ROBO2: variants seen among roughly 807,000 people sequenced by gnomAD.
ROBO2 encodes the protein roundabout homolog 2.
ROBO2 carries 53 observed loss-of-function variants against 160.8 expected under a neutral mutation model. The observed-to-expected ratio is 0.33, with a 90% CI of 0.26 to 0.41. ROBO2 has a LOEUF of 0.41. ROBO2 is among the 10% of genes least tolerant of loss of function. ROBO2 has a pLI of 1.00. For synonymous variants in ROBO2, 664 were observed against 611.7 expected (o/e 1.09, Z -1.26); for missense variants, 1,577 against 1,722.4 (o/e 0.92, Z 1.49).
At chr3:76,983,159 C>A (rs1482778713) in intron 2 of ROBO2, among the ~76,000 whole-genome samples, 1 of 152,074 alleles carries the variant, frequency 6.6e-6, no homozygotes, top group Admixed American at 6.5e-5. Flanking sequence ...GTGGCTCATG[C>A]CTGTAATTCC....
At chr3:76,884,168 A>G (rs188730055) in intron 2 of ROBO2, among the ~76,000 whole-genome samples, 2 of 152,186 alleles carry the variant, frequency 1.3e-5, no homozygotes, top group African/African-American at 4.8e-5. Context: ...AATTTGGCAT[A>G]ATTCTGTTTT....
intron 2 of ROBO2, among the ~76,000 whole-genome samples, chr3:77,104,196 C>G (rs1325034868): frequency 1.3e-5 from 2 of 152,092 alleles, no homozygotes; most frequent in South Asian, 2.1e-4. Flanking sequence ...ACTCTATACC[C>G]ATTAGAACTC....
At chr3:76,100,111 A>G (rs1349452103) in intron 2 of ROBO2, among the ~76,000 whole-genome samples, 2 of 152,120 alleles carry the variant, frequency 1.3e-5, no homozygotes, top group African/African-American at 4.8e-5. Context: ...TATTTCTGTA[A>G]TTGTTTATCA....
intron 2 of ROBO2, among the ~76,000 whole-genome samples, chr3:76,393,930 A>C (rs2108670408): frequency 6.6e-6 from 1 of 152,260 alleles, no homozygotes; most frequent in Middle Eastern, 3.4e-3. Context: ...TAGGTGGATG[A>C]GGGGTGTAGA....
chr3:77,277,124 C>T (rs1464678211), intron 2 of ROBO2, among the ~76,000 whole-genome samples: 1 of 150,204 alleles, frequency 6.7e-6, no homozygotes, highest in Non-Finnish European at 1.5e-5. Context: ...ATGCACCCTT[C>T]CTTCCTTCCT....
At chr3:77,220,834 ATGAATTATTGTTGAAC>A (rs2085687374) in intron 2 of ROBO2, among the ~76,000 whole-genome samples, 1 of 152,148 alleles carries the variant, frequency 6.6e-6, no homozygotes, top group Admixed American at 6.5e-5. Flanking sequence ...TGAAAAAAAG[ATGAATTATTGTTGAAC>A]TCACCTCCTA....
At chr3:76,078,395 G>T (rs1435825077) in intron 2 of ROBO2, among the ~76,000 whole-genome samples, 1 of 152,040 alleles carries the variant, frequency 6.6e-6, no homozygotes, top group East Asian at 1.9e-4. Context: ...ACAGGGTCTT[G>T]TCCTGTCATC....
intron 2 of ROBO2, among the ~76,000 whole-genome samples, chr3:77,002,558 T>C (rs139882130): frequency 1.3e-5 from 2 of 152,128 alleles, no homozygotes; most frequent in African/African-American, 2.4e-5. Context: ...ATTCTACTTA[T>C]AGTTTAGTAT....
intron 2 of ROBO2, among the ~76,000 whole-genome samples, chr3:76,196,535 A>G (rs1702269957): frequency 6.6e-6 from 1 of 152,154 alleles, no homozygotes; most frequent in South Asian, 2.1e-4. Flanking sequence ...ATGAAAAATG[A>G]GAGAAAATAC....
chr3:76,485,815 A>G (rs554231812), intron 2 of ROBO2, among the ~76,000 whole-genome samples: 1 of 152,330 alleles, frequency 6.6e-6, no homozygotes, highest in South Asian at 2.1e-4. Context: ...AATTAAGACT[A>G]TAGTCGTGGA....
intron 2 of ROBO2, among the ~76,000 whole-genome samples, chr3:76,791,784 CAG>C (rs1226655608): frequency 4.0e-5 from 6 of 151,740 alleles, no homozygotes; most frequent in African/African-American, 1.5e-4. Flanking sequence ...TCTGCATCCA[CAG>C]ATTCAACCAA....
At chr3:76,217,583 G>A (rs541561476) in intron 2 of ROBO2, among the ~76,000 whole-genome samples, 8 of 152,242 alleles carry the variant, frequency 5.3e-5, no homozygotes, top group East Asian at 3.9e-4. Flanking sequence ...TAAATTCCTC[G>A]AAACATACAC....
rs547815191 is a variant in ROBO2 at position 76,988,351 on chromosome 3, G to A, written c.110-109663G>A. ...AGGTCTCCACCACCAAAGTGAAGTA[G>A]TAAATTGAGAATTGAACAATTAGGT... On this transcript the variant is annotated intron_variant, in intron 2 of 26. Coordinates refer to the ROBO2 transcript ENST00000487694. 1.7e-4 allele frequency among the ~76,000 whole-genome samples: 26 copies of A among 152,256 alleles called. No homozygotes were observed. The South Asian group carries it at 5.0e-3, about 29-fold the overall frequency.
At chr3:76,580,620 C>A (rs1172890687) in intron 2 of ROBO2, among the ~76,000 whole-genome samples, 2 of 151,978 alleles carry the variant, frequency 1.3e-5, no homozygotes, top group East Asian at 3.9e-4. Flanking sequence ...CCAACAACCA[C>A]CCTTTTAACC....
intron 2 of ROBO2, among the ~76,000 whole-genome samples, chr3:77,342,326 G>A (rs761821898): frequency 3.9e-5 from 6 of 152,138 alleles, no homozygotes; most frequent in Non-Finnish European, 7.4e-5. Flanking sequence ...TCTCGAAAGC[G>A]TAAGATGTGT....
At chr3:76,663,845 A>T (rs1380634900) in intron 2 of ROBO2, among the ~76,000 whole-genome samples, 1 of 152,026 alleles carries the variant, frequency 6.6e-6, no homozygotes, top group Non-Finnish European at 1.5e-5. Flanking sequence ...CGGAGGTTGC[A>T]GTGAGTCAAG....
chr3:76,823,753 G>A (rs1487206343), intron 2 of ROBO2, among the ~76,000 whole-genome samples: 1 of 152,096 alleles, frequency 6.6e-6, no homozygotes, highest in Non-Finnish European at 1.5e-5. Context: ...CAGACATTTG[G>A]ATATGACACC....
At chr3:76,748,043 A>C (rs924720821) in intron 2 of ROBO2, among the ~76,000 whole-genome samples, 1 of 151,242 alleles carries the variant, frequency 6.6e-6, no homozygotes, top group African/African-American at 2.4e-5. Context: ...AGATGAGCTA[A>C]ACTCATCTAC....
intron 2 of ROBO2, among the ~76,000 whole-genome samples, chr3:76,548,741 G>A (rs1349337647): frequency 6.6e-6 from 1 of 151,246 alleles, no homozygotes; most frequent in Non-Finnish European, 1.5e-5. Context: ...CAAAATTTTT[G>A]TGTCTACTAA....
Sources: allele counts gnomAD v4.1 joint callset (sites outside exome capture counted in the v4.1 genomes callset), GRCh38; gene constraint gnomAD v4.1.1; transcripts MANE v1.5; gene names NCBI Gene and HGNC (gene_info 2026-07-23, HGNC 2026-07-21).